Variants in NINL observed in about 807,000 individuals in gnomAD.
NINL encodes the protein ninein-like protein.
NINL carries 153 observed loss-of-function variants against 160.3 expected under a neutral mutation model. The ratio of observed to expected loss-of-function variants is 0.95; its 90% CI spans 0.84 to 1.09. The LOEUF (loss-of-function observed/expected upper bound fraction) is 1.09, where lower values mean the gene tolerates loss of function less well. NINL is among the 50% of genes least tolerant of loss of function. The pLI, the probability that NINL is intolerant of heterozygous loss-of-function variation, is 0.00. For synonymous variants in NINL, 800 were observed against 734.8 expected, an observed-to-expected ratio of 1.09 and a Z score of -1.43; for missense variants, 1,829 against 1,764.0, an observed-to-expected ratio of 1.04 and a Z score of -0.66.
chr20:25,540,837 T>C (rs552218665), intron 1 of NINL, among the ~76,000 whole-genome samples: 2 of 152,320 alleles, frequency 1.3e-5, no homozygotes, highest in African/African-American at 4.8e-5. Context: ...CTTTAAGTGT[T>C]TTCATGGTTT....
chr20:25,525,512 G>A (rs541835565), intron 2 of NINL, among the ~76,000 whole-genome samples: 4 of 152,122 alleles, frequency 2.6e-5, no homozygotes, highest in African/African-American at 7.2e-5. Context: ...AAATTAGGCC[G>A]GTGTGGTGGT....
In NINL at chr20:25,472,542, T is replaced by C. The variant is rs112337696; in HGVS notation, c.3249-2447A>G. ...ATTCAACAGGGAAAATATTTCTTTT[T>C]TTTTTTTTTTTCCCTTTTGCTCTGC... On this transcript the variant is annotated intron_variant, in intron 17 of 23. Transcript: ENST00000278886. Among the ~76,000 whole-genome samples, 994 of 150,142 alleles carry C rather than the reference T, an allele frequency of 6.6e-3. 15 individuals carry two copies. Among genetic ancestry groups the C allele is most frequent in the African/African-American group, 0.023 (950 of 40,984 alleles).
In NINL at chr20:25,458,394, C is replaced by T. The variant is rs773593745; in HGVS notation, c.3832G>A (p.Asp1278Asn). The T allele has an allele frequency of 1.2e-5, 20 of 1,606,464 alleles. No individual in the cohort carries two copies. Among genetic ancestry groups the T allele is most frequent in the Admixed American group, 3.3e-5 (2 of 60,004 alleles). Residue 1278 changes from aspartate to asparagine, a missense_variant, in exon 22 of 24, where the codon GAT becomes AAT. Coordinates refer to ENST00000278886, the MANE Select transcript of NINL (RefSeq NM_025176.6). Reference protein sequence around the residue: ...LQGEQARRRLDAQREEHEKQL... With the variant: ...LQGEQARRRLNAQREEHEKQL... ...GCATCCCCACTTACCCGCTGTGCATCCAGGCGCCTCCTGGCCTGCTCTCCC... is the reference window on the plus strand; with the variant it reads ...GCATCCCCACTTACCCGCTGTGCATTCAGGCGCCTCCTGGCCTGCTCTCCC...
chr20:25,579,799 T>C (rs977302380), intron 1 of NINL, among the ~76,000 whole-genome samples: 3 of 152,162 alleles, frequency 2.0e-5, no homozygotes, highest in Non-Finnish European at 4.4e-5. Flanking sequence ...GAGCAGCCCA[T>C]CCTGAGGTCT....
chr20:25,460,869 T>C (rs2062767510), intron 21 of NINL, among the ~76,000 whole-genome samples: 2 of 152,166 alleles, frequency 1.3e-5, no homozygotes. Context: ...AGCTTCCAAG[T>C]GTGCCCCGCA....
chr20:25,510,704 C>T lies in NINL; in HGVS notation c.487G>A (p.Glu163Lys), dbSNP rs199649373. Residue 163 changes from glutamate (E) to lysine (K), a missense_variant, in exon 5 of 24, where the codon GAA (glutamate) becomes AAA (lysine). By Grantham distance (56) the Glu-to-Lys change is moderately conservative (BLOSUM62 1). Transcript: ENST00000278886. ...GCTTCAAATAATTCATTCTGAGCTTCTTTAGTGCTCTCGGCCTCTTCATCT... is the reference window on the plus strand; with the variant it reads ...GCTTCAAATAATTCATTCTGAGCTTTTTTAGTGCTCTCGGCCTCTTCATCT... ...KSDEEAESTK[E>K]AQNELFEAQG... 3.9e-5 allele frequency: 63 copies of T among 1,613,870 alleles called. No individual in the cohort carries two copies. Among genetic ancestry groups the T allele is most frequent in the Non-Finnish European group, 5.1e-5 (60 of 1,180,000 alleles).
At chr20:25,553,334 A>G (rs902803518) in intron 1 of NINL, among the ~76,000 whole-genome samples, 4 of 152,046 alleles carry the variant, frequency 2.6e-5, no homozygotes, top group Non-Finnish European at 5.9e-5. Context: ...ACAAAAATCC[A>G]AAGGTTGGGG....
chr20:25,583,845 G>T (rs1315968763), intron 1 of NINL, among the ~76,000 whole-genome samples: 7 of 152,158 alleles, frequency 4.6e-5, no homozygotes, highest in African/African-American at 1.7e-4. Flanking sequence ...AAAGTGGGAA[G>T]CCATCATTCT....
chr20:25,511,108 A>G (rs1212611469), intron 4 of NINL, among the ~76,000 whole-genome samples: 1 of 152,222 alleles, frequency 6.6e-6, no homozygotes, highest in Non-Finnish European at 1.5e-5. Flanking sequence ...CTTCAGACCC[A>G]GCACTTGAAA....
At chr20:25,549,995 C>G (rs555602874) in intron 1 of NINL, among the ~76,000 whole-genome samples, 2 of 152,184 alleles carry the variant, frequency 1.3e-5, no homozygotes, top group Non-Finnish European at 2.9e-5. Flanking sequence ...ACTGAGAGGA[C>G]AGTGAAAAGA....
intron 1 of NINL, among the ~76,000 whole-genome samples, chr20:25,554,645 A>C (rs1239997641): frequency 5.3e-4 from 76 of 142,442 alleles, no homozygotes; most frequent in Middle Eastern, 3.7e-3. Flanking sequence ...ACAAAAAAAA[A>C]AAAAAAAAAA....
intron 2 of NINL, among the ~76,000 whole-genome samples, chr20:25,518,662 C>T (rs2064205685): frequency 6.6e-6 from 1 of 152,152 alleles, no homozygotes; most frequent in African/African-American, 2.4e-5. Context: ...AATCTAATTA[C>T]ATTTAATGTG....
chr20:25,469,924 G>C, intron 18 of NINL, 67 bp downstream of exon 18: 1 of 1,041,628 alleles, frequency 9.6e-7, no homozygotes, highest in South Asian at 1.3e-5. Context: ...TATGGAGACT[G>C]CATAAGGTCA....
At chr20:25,486,580 C>T (rs1033374501) in intron 13 of NINL, among the ~76,000 whole-genome samples, 10 of 152,170 alleles carry the variant, frequency 6.6e-5, no homozygotes, top group African/African-American at 2.4e-4. Flanking sequence ...ACCCCACACA[C>T]ACCAGTCGAG....
intron 1 of NINL, among the ~76,000 whole-genome samples, chr20:25,549,623 G>T (rs763143530): frequency 5.3e-5 from 8 of 152,214 alleles, no homozygotes. Context: ...ACAAAAGCTG[G>T]CAGCTCATCA....
rs1326914132 is a variant in NINL, at chr20:25,513,021, G to A, written c.278-15C>T. On this transcript the variant is annotated splice_polypyrimidine_tract_variant and intron_variant, in intron 3 of 23. Transcript: ENST00000278886. ...ACTGGAGGCAGCTGGAAAGGAAACAGGAAATTTGGTGGGGGTCCTTTATAG... is the reference window on the plus strand; with the variant it reads ...ACTGGAGGCAGCTGGAAAGGAAACAAGAAATTTGGTGGGGGTCCTTTATAG... 3.8e-6 allele frequency: 6 copies of A among 1,590,810 alleles called. No homozygotes were observed. The Admixed American group carries it at 8.6e-5, about 23-fold the overall frequency.
intron 9 of NINL, 120 bp from the exon 10 acceptor site, chr20:25,496,923 C>G: frequency 7.7e-7 from 1 of 1,303,454 alleles, no homozygotes; most frequent in Non-Finnish European, 1.1e-6. Flanking sequence ...AACTATACAG[C>G]GGGCACTGCT....
At chr20:25,563,900 G>C (rs1340119273) in intron 1 of NINL, among the ~76,000 whole-genome samples, 1 of 152,146 alleles carries the variant, frequency 6.6e-6, no homozygotes, top group African/African-American at 2.4e-5. Flanking sequence ...CAAATCATTA[G>C]ATCAACAAAA....
rs559575159 is a variant in NINL, at chr20:25,532,300, G to C, written c.-11-5702C>G. The stretch of plus-strand genomic sequence containing the variant: ...GATTCACGTTTTCGAGGCTGGGCTA[G>C]GATTTCCAGAAGAGGGAAGGAGCTT... On this transcript the variant is annotated intron_variant, in intron 1 of 23. Transcript: ENST00000278886. 2.0e-5 allele frequency among the ~76,000 whole-genome samples: 3 copies of C among 152,330 alleles called. No homozygotes were observed. In the South Asian group the frequency reaches 6.2e-4, roughly 32 times the overall value.
Sources: allele counts gnomAD v4.1 joint callset (sites outside exome capture counted in the v4.1 genomes callset), GRCh38; gene constraint gnomAD v4.1.1; transcripts MANE v1.5; gene names NCBI Gene and HGNC (gene_info 2026-07-23, HGNC 2026-07-21).